The following ATF7IP2 variants were observed in gnomAD, a reference collection of about 807,000 sequenced individuals.
ATF7IP2 encodes activating transcription factor 7 interacting protein 2, also known as activating transcription factor 7-interacting protein 2.
A neutral mutation model predicts 64.2 loss-of-function variants in ATF7IP2; 42 were observed. The ratio of observed to expected loss-of-function variants is 0.65; its 90% CI spans 0.51 to 0.85. ATF7IP2 has a LOEUF of 0.85. Among genes scored for constraint, ATF7IP2 ranks in the 40% least tolerant of loss-of-function variants. The probability of loss-of-function intolerance (pLI) is 0.00; values close to 1 mark genes in which losing one functional copy is unlikely to be tolerated. For missense variants in ATF7IP2, 933 were observed against 784.2 expected, an observed-to-expected ratio of 1.19 and a Z score of -2.27; for synonymous variants, 308 against 272.8, an observed-to-expected ratio of 1.13 and a Z score of -1.27.
intron 8 of ATF7IP2, chr16:10,447,035 T>A (rs2048831075): frequency 6.6e-6 from 1 of 152,168 alleles, no homozygotes; most frequent in African/African-American, 2.4e-5. Flanking sequence ...TTAACATTGA[T>A]GGATCAGTAG....
In ATF7IP2 at chr16:10,442,235, C is replaced by T. The variant is rs115622490; in HGVS notation, c.1194+1773C>T. Among the ~76,000 whole-genome samples, 131 of 152,308 alleles carry T rather than the reference C, an allele frequency of 8.6e-4. 2 individuals are homozygous for T. The highest frequency in any genetic ancestry group is 2.8e-3 in the African/African-American group (118 of 41,572). On this transcript the variant is annotated intron_variant, in intron 8 of 13. Coordinates refer to ENST00000562102, the MANE Select transcript of ATF7IP2 (RefSeq NM_001393719.1). ...GTTACTTATAAATTGGAACAAAGGA[C>T]AAGGAGGGTGAAACCCTTATGAAGA...
rs76386199 is a variant in ATF7IP2, at chr16:10,435,741, C to T, written c.960+2092C>T. 6.6e-3 allele frequency among the ~76,000 whole-genome samples: 1,005 copies of T among 152,244 alleles called. 11 individuals carry two copies. Among genetic ancestry groups the T allele is most frequent in the Admixed American group, 0.024 (372 of 15,292 alleles). On this transcript the variant is annotated intron_variant, in intron 6 of 13. Coordinates refer to ENST00000562102, the MANE Select transcript of ATF7IP2 (RefSeq NM_001393719.1). ...TGTTGTAGGCTACTGCTTTCTCAAACGTACCTGATAAAAATCATTTGTAGT... is the reference window on the plus strand; with the variant it reads ...TGTTGTAGGCTACTGCTTTCTCAAATGTACCTGATAAAAATCATTTGTAGT...
chr16:10,467,891 T>A (rs1184829417), intron 9 of ATF7IP2, among the ~76,000 whole-genome samples: 2 of 151,350 alleles, frequency 1.3e-5, no homozygotes, highest in African/African-American at 4.9e-5. Flanking sequence ...TTTTTTTTTT[T>A]TTTTTGAGAC....
At chr16:10,426,322 A>G (rs916213088) in intron 3 of ATF7IP2, among the ~76,000 whole-genome samples, 3 of 152,208 alleles carry the variant, frequency 2.0e-5, no homozygotes, top group African/African-American at 2.4e-5. Context: ...ATTCTCAGCA[A>G]TGAATTCAAC....
At chr16:10,449,836 G>A (rs984223954) in intron 8 of ATF7IP2, 2 of 152,026 alleles carry the variant, frequency 1.3e-5, no homozygotes, top group African/African-American at 4.8e-5. Context: ...GTTCTGCTCT[G>A]ATCTTAGAGT....
intron 1 of ATF7IP2, among the ~76,000 whole-genome samples, chr16:10,410,474 A>G (rs890553476): frequency 2.0e-5 from 3 of 152,174 alleles, no homozygotes; most frequent in African/African-American, 7.2e-5. Flanking sequence ...TGTGTATAGT[A>G]ACTTTGTATC....
rs941394234 is a variant in ATF7IP2 at position 10,408,075 on chromosome 16, C to T, written c.-241-6499C>T. On this transcript the variant is annotated intron_variant, in intron 1 of 13. Transcript: ENST00000562102. ...TACAGGCATGTGCCACCATACCTAG[C>T]TAATTTTTGTATTTTTAGTAGAGGT... is the stretch of plus-strand genomic sequence containing the variant. Among the ~76,000 whole-genome samples the T allele has an allele frequency of 1.4e-4, 22 of 152,172 alleles. No homozygotes were observed. In the East Asian group the frequency reaches 3.9e-3, roughly 27 times the overall value.
chr16:10,450,190 G>C (rs962168977), intron 8 of ATF7IP2, among the ~76,000 whole-genome samples: 13 of 151,660 alleles, frequency 8.6e-5, no homozygotes, highest in Admixed American at 8.5e-4. Flanking sequence ...GAGACTGTTA[G>C]GATTCCCATT....
At chr16:10,468,111 C>A (rs1429113651) in intron 9 of ATF7IP2, among the ~76,000 whole-genome samples, 1 of 149,122 alleles carries the variant, frequency 6.7e-6, no homozygotes, top group African/African-American at 2.6e-5. Context: ...AACTCCCGAC[C>A]TCAGGTGATC....
chr16:10,449,355 A>G (rs900703063), intron 8 of ATF7IP2: 5 of 152,144 alleles, frequency 3.3e-5, no homozygotes, highest in African/African-American at 9.7e-5. Context: ...CTCTTTTTCT[A>G]TTCTTTGGAA....
intron 12 of ATF7IP2, among the ~76,000 whole-genome samples, chr16:10,479,165 G>C (rs2050120439): frequency 6.7e-6 from 1 of 150,244 alleles, no homozygotes; most frequent in Non-Finnish European, 1.5e-5. Flanking sequence ...ATACCCAAAG[G>C]ACTATAAATC....
At chr16:10,391,757 C>A (rs538943742) in intron 1 of ATF7IP2, among the ~76,000 whole-genome samples, 61 of 152,014 alleles carry the variant, frequency 4.0e-4, no homozygotes, top group African/African-American at 1.4e-3. Context: ...ATTAGCTGGG[C>A]ATGGTGGTGC....
At chr16:10,481,094 A>G (rs755511173) in intron 13 of ATF7IP2, 130 bp downstream of exon 13, 4 of 638,196 alleles carry the variant, frequency 6.3e-6, no homozygotes, top group Admixed American at 5.7e-5. Flanking sequence ...TTGTTAATCT[A>G]CTTATTTATA....
intron 3 of ATF7IP2, among the ~76,000 whole-genome samples, chr16:10,423,673 C>T (rs1453252084): frequency 6.6e-6 from 1 of 152,068 alleles, no homozygotes; most frequent in African/African-American, 2.4e-5. Context: ...AGGGACAAAC[C>T]TCTCCCTCCT....
chr16:10,404,786 G>A (rs73512993), intron 1 of ATF7IP2, among the ~76,000 whole-genome samples: 3,215 of 151,550 alleles, frequency 0.021, 105 homozygotes, highest in African/African-American at 0.073. Flanking sequence ...CAAGTAAACC[G>A]CCCACTTTGG....
intron 1 of ATF7IP2, chr16:10,386,640 G>T (rs955398736): frequency 2.0e-5 from 3 of 152,140 alleles, no homozygotes; most frequent in Non-Finnish European, 4.4e-5. Context: ...AGGGACCAGA[G>T]CATCAGGAAA....
chr16:10,451,825 G>A (rs564400998), intron 8 of ATF7IP2, among the ~76,000 whole-genome samples: 16 of 152,026 alleles, frequency 1.1e-4, no homozygotes, highest in African/African-American at 3.6e-4. Context: ...TTGAGAGGTC[G>A]AGATGGACAC....
intron 9 of ATF7IP2, among the ~76,000 whole-genome samples, chr16:10,459,473 GAAAAAA>G (rs377627260): frequency 1.2e-5 from 1 of 83,952 alleles, no homozygotes; most frequent in Non-Finnish European, 2.5e-5. Flanking sequence ...ATCTCAAAAA[GAAAAAA>G]AAAAAAAAAA....
At chr16:10,481,661 A>G (rs2050234853) in intron 13 of ATF7IP2, among the ~76,000 whole-genome samples, 175 bp from the exon 14 acceptor site, 1 of 152,232 alleles carries the variant, frequency 6.6e-6, no homozygotes, top group African/African-American at 2.4e-5. Flanking sequence ...ATTCCAGGAT[A>G]TAGAAATCTT....
Sources: gnomAD v4.1 joint callset for allele counts (sites outside exome capture counted in the v4.1 genomes callset) on GRCh38, gnomAD v4.1.1 for gene constraint, MANE v1.5 for transcripts, NCBI Gene and HGNC (gene_info 2026-07-23, HGNC 2026-07-21) for gene names.